GSK3B: variants seen among roughly 807,000 people sequenced by gnomAD.
GSK3B encodes glycogen synthase kinase 3 beta.
Under a neutral mutation model 56.4 loss-of-function variants are expected in GSK3B, and 15 were observed. The ratio of observed to expected loss-of-function variants is 0.27; its 90% confidence interval spans 0.18 to 0.41. The LOEUF (loss-of-function observed/expected upper bound fraction) is 0.41, where lower values mean the gene tolerates loss of function less well. GSK3B is among the 10% of genes least tolerant of loss of function. The pLI is 1.00. For missense variants in GSK3B, 300 were observed against 513.4 expected (o/e 0.58, Z 4.02); for synonymous variants, 181 against 188.9 (o/e 0.96, Z 0.34).
intron 1 of GSK3B, chr3:120,028,662 G>A (rs549149039): frequency 3.2e-5 from 12 of 369,688 alleles, no homozygotes; most frequent in South Asian, 2.6e-4. Context: ...AAATCCCACA[G>A]AGGCTGATGT....
At chr3:119,855,850 G>A (rs1231508361) in intron 9 of GSK3B, among the ~76,000 whole-genome samples, 1 of 151,930 alleles carries the variant, frequency 6.6e-6, no homozygotes, top group Non-Finnish European at 1.5e-5. Context: ...GAGGGGGAGG[G>A]GTAGCAGTAG....
chr3:119,960,634 T>C (rs969794204), intron 2 of GSK3B, among the ~76,000 whole-genome samples: 6 of 152,310 alleles, frequency 3.9e-5, no homozygotes, highest in African/African-American at 1.4e-4. Flanking sequence ...AATATCTGAA[T>C]ATCAGCCCCC....
chr3:119,973,642 TGA>T (rs781006553), intron 2 of GSK3B, among the ~76,000 whole-genome samples: 1 of 152,220 alleles, frequency 6.6e-6, no homozygotes, highest in Non-Finnish European at 1.5e-5. Flanking sequence ...ATAAATATTT[TGA>T]GAGAGAGGGA....
At chr3:119,854,508 G>C (rs749527098) in intron 9 of GSK3B, among the ~76,000 whole-genome samples, 13 of 152,124 alleles carry the variant, frequency 8.5e-5, no homozygotes, top group Non-Finnish European at 1.9e-4. Context: ...CAGCTCCTCT[G>C]TGTACCTCTG....
intron 9 of GSK3B, among the ~76,000 whole-genome samples, chr3:119,845,512 C>T (rs1444486787): frequency 6.6e-6 from 1 of 152,168 alleles, no homozygotes; most frequent in Non-Finnish European, 1.5e-5. Flanking sequence ...CATTCTTATA[C>T]ACCAATAACA....
At position 120,018,083 on chromosome 3, in the gene GSK3B, A is replaced by C. The variant is rs77306913; in HGVS notation, c.89-15844T>G. Among the ~76,000 whole-genome samples the C allele has an allele frequency of 3.1e-3, 476 of 152,294 alleles. 12 individuals carry two copies. In the East Asian group the frequency reaches 0.075, roughly 24 times the overall value. On this transcript the variant is annotated intron_variant, in intron 1 of 10. Transcript: ENST00000264235. ...CCATCATCACTCATCATCACAAATA[A>C]ATTTGTGAAGCACTTTACAGTTTAA...
chr3:119,845,153 A>C (rs1412406590), intron 9 of GSK3B, among the ~76,000 whole-genome samples: 1 of 152,230 alleles, frequency 6.6e-6, no homozygotes, highest in Non-Finnish European at 1.5e-5. Flanking sequence ...GTATTGATGG[A>C]ACATATCTCA....
At chr3:119,965,700 T>A (rs2057312690) in intron 2 of GSK3B, among the ~76,000 whole-genome samples, 1 of 152,154 alleles carries the variant, frequency 6.6e-6, no homozygotes, top group Non-Finnish European at 1.5e-5. Context: ...TTGTGAAGAT[T>A]CAAGTGAAAA....
At chr3:119,870,582 GTTTCCAGCA>G (rs1437253980) in intron 8 of GSK3B, among the ~76,000 whole-genome samples, 1 of 152,028 alleles carries the variant, frequency 6.6e-6, no homozygotes, top group Non-Finnish European at 1.5e-5. Context: ...TTTAATGTGG[GTTTCCAGCA>G]AACAAATAAA....
In GSK3B at chr3:119,826,810, G is replaced by A. The variant is rs1193074453; in HGVS notation, c.1241C>T (p.Ala414Val). ...DRGQTNNAAS[A>V]SASNST ...TGTTCAGGTGGAGTTGGAAGCTGATGCAGAAGCAGCATTATTGGTCTGTCC... is the reference window on the plus strand; with the variant it reads ...TGTTCAGGTGGAGTTGGAAGCTGATACAGAAGCAGCATTATTGGTCTGTCC... Residue 414 changes from alanine (A) to valine (V), a missense_variant, in exon 11 of 11, where the codon GCA (alanine) becomes GTA (valine). This residue lies in a region of GSK3B where 88 missense variants were observed against 92.7 expected (regional missense o/e 0.95). Coordinates refer to ENST00000264235, the MANE Select transcript of GSK3B (RefSeq NM_001146156.2). The A allele has an allele frequency of 1.2e-6, 2 of 1,612,804 alleles. No individual in the cohort carries two copies. Among genetic ancestry groups the A allele is most frequent in the Non-Finnish European group, 1.7e-6 (2 of 1,178,768 alleles).
At chr3:119,841,150 T>C (rs1467385465) in intron 10 of GSK3B, among the ~76,000 whole-genome samples, 1 of 152,234 alleles carries the variant, frequency 6.6e-6, no homozygotes, top group Non-Finnish European at 1.5e-5. Context: ...AAGTTCAATG[T>C]CAGTTTCTAT....
At position 119,825,055 on chromosome 3, in the gene GSK3B, T is replaced by C. The variant is rs1163798334; in HGVS notation, c.*1733A>G. The C allele has an allele frequency of 5.2e-6, 1 of 193,892 alleles. No homozygotes were observed. The highest frequency in any genetic ancestry group is 1.1e-5 in the Non-Finnish European group (1 of 93,162). The allele number at this position is 193,892 out of a possible 1,614,324, so 12.0% of individuals were successfully genotyped here. On this transcript the variant is annotated 3_prime_UTR_variant, in exon 11 of 11. Coordinates refer to ENST00000264235, the MANE Select transcript of GSK3B (RefSeq NM_001146156.2). ...AACCATGGGCTCAGCTCTGCAGCCC[T>C]ACAGTTACCAGCTAACCTTGGAAGG...
chr3:120,049,811 G>C (rs1224662701), intron 1 of GSK3B, among the ~76,000 whole-genome samples: 3 of 152,098 alleles, frequency 2.0e-5, no homozygotes, highest in Admixed American at 1.3e-4. Context: ...TAAACATTTC[G>C]GGCTTTGCAA....
chr3:119,891,607 A>AT (rs1553729025), intron 7 of GSK3B, among the ~76,000 whole-genome samples: 1 of 152,050 alleles, frequency 6.6e-6, no homozygotes, highest in Non-Finnish European at 1.5e-5. Flanking sequence ...AGAGATGGAA[A>AT]TTTTTTTTCC....
At chr3:120,017,645 G>A (rs939197334) in intron 1 of GSK3B, among the ~76,000 whole-genome samples, 3 of 151,602 alleles carry the variant, frequency 2.0e-5, no homozygotes, top group African/African-American at 4.9e-5. Context: ...TAAAACAGTA[G>A]GGAGGGGAGG....
intron 7 of GSK3B, among the ~76,000 whole-genome samples, chr3:119,881,663 C>G (rs2056380558): frequency 6.6e-6 from 1 of 152,150 alleles, no homozygotes; most frequent in South Asian, 2.1e-4. Context: ...ATGGACTTCT[C>G]TTCTTAAGCA....
chr3:119,960,595 A>G (rs1038002981), intron 2 of GSK3B, among the ~76,000 whole-genome samples: 5 of 152,126 alleles, frequency 3.3e-5, no homozygotes, highest in Non-Finnish European at 2.9e-5. Flanking sequence ...CCCATGTGGG[A>G]TTTCTCTACT....
intron 1 of GSK3B, among the ~76,000 whole-genome samples, chr3:120,043,055 A>G (rs2058076043): frequency 6.6e-6 from 1 of 152,192 alleles, no homozygotes; most frequent in South Asian, 2.1e-4. Flanking sequence ...TTTTTCTTAA[A>G]ACCAAAGGTC....
intron 9 of GSK3B, among the ~76,000 whole-genome samples, chr3:119,853,359 C>A (rs1000211027): frequency 6.6e-6 from 1 of 152,130 alleles, no homozygotes; most frequent in African/African-American, 2.4e-5. Context: ...AGTCGTGCTG[C>A]CTCCAGCTTT....
Sources: gnomAD v4.1 joint callset for allele counts (sites outside exome capture counted in the v4.1 genomes callset) on GRCh38, gnomAD v4.1.1 for gene constraint, gnomAD v4.1.1 regional missense constraint, MANE v1.5 for transcripts, NCBI Gene and HGNC (gene_info 2026-07-23, HGNC 2026-07-21) for gene names.